EDIL3: variants seen among roughly 807,000 people sequenced by gnomAD.
EDIL3 encodes EGF-like repeat and discoidin I-like domain-containing protein 3.
EDIL3 carries 37 observed loss-of-function variants against 67.4 expected under a neutral mutation model. The ratio of observed to expected loss-of-function variants is 0.55; its 90% CI spans 0.42 to 0.72. The LOEUF is 0.72. Among genes scored for constraint, EDIL3 ranks in the 30% least tolerant of loss-of-function variants. The probability of loss-of-function intolerance (pLI) is 0.00; values close to 1 mark genes in which losing one functional copy is unlikely to be tolerated. For missense variants in EDIL3, 527 were observed against 586.3 expected (o/e 0.90, Z 1.04); for synonymous variants, 195 against 196.3 (o/e 0.99, Z 0.05).
At chr5:83,968,986 T>C (rs971870662) in intron 9 of EDIL3, among the ~76,000 whole-genome samples, 2 of 151,838 alleles carry the variant, frequency 1.3e-5, no homozygotes, top group Non-Finnish European at 2.9e-5. Flanking sequence ...TAATCAATGC[T>C]TTCCTTCCCA....
chr5:84,046,373 T>A (rs1746225069), intron 9 of EDIL3, among the ~76,000 whole-genome samples: 1 of 152,096 alleles, frequency 6.6e-6, no homozygotes. Context: ...ATCCAACAGA[T>A]ATCCCCTGAA....
Position 83,940,565 on chromosome 5 carries a change from A to T in EDIL3, c.*2854T>A, listed in dbSNP as rs1415722342. On this transcript the variant is annotated 3_prime_UTR_variant, in exon 11 of 11. Transcript: ENST00000296591. ...TCAGACAATTTGTGTATTCTTATAAATGTGTTTAATTACAACTGCTTCAAA... is the reference window on the plus strand; with the variant it reads ...TCAGACAATTTGTGTATTCTTATAATTGTGTTTAATTACAACTGCTTCAAA... The T allele has an allele frequency of 1.3e-5, 2 of 152,000 alleles. No individual in the cohort carries two copies. Among genetic ancestry groups the T allele is most frequent in the Non-Finnish European group, 2.9e-5 (2 of 67,906 alleles). 9.4% of individuals were successfully genotyped at this position (152,000 alleles called of 1,614,324 possible).
intron 9 of EDIL3, among the ~76,000 whole-genome samples, chr5:84,004,145 C>T (rs1372231032): frequency 6.6e-6 from 1 of 152,058 alleles, no homozygotes; most frequent in African/African-American, 2.4e-5. Flanking sequence ...AATATACAGG[C>T]ACATAACACT....
At chr5:84,215,601 G>A (rs1470063901) in intron 3 of EDIL3, among the ~76,000 whole-genome samples, 1 of 152,176 alleles carries the variant, frequency 6.6e-6, no homozygotes, top group African/African-American at 2.4e-5. Flanking sequence ...AAATACGCAG[G>A]CAAAAGACTG....
chr5:84,151,373 T>G (rs1327109643), intron 4 of EDIL3, among the ~76,000 whole-genome samples: 2 of 151,682 alleles, frequency 1.3e-5, no homozygotes, highest in African/African-American at 4.8e-5. Context: ...AAAAGAAAGG[T>G]TTTTGTACAA....
chr5:84,191,832 A>G (rs1335237699), intron 3 of EDIL3, among the ~76,000 whole-genome samples: 3 of 152,060 alleles, frequency 2.0e-5, no homozygotes, highest in Non-Finnish European at 4.4e-5. Flanking sequence ...GAGGGTGAAT[A>G]TGGTACAAAG....
At chr5:84,182,932 C>T (rs1194179447) in intron 3 of EDIL3, among the ~76,000 whole-genome samples, 2 of 151,952 alleles carry the variant, frequency 1.3e-5, no homozygotes, top group African/African-American at 4.8e-5. Context: ...TGGTACATTG[C>T]CAATATTTGA....
In EDIL3 at chr5:84,147,550, A is replaced by G. The variant is rs371284688; in HGVS notation, c.356-10196T>C. ...AATACCACTTTTGAAGATACAAACT[A>G]TATGAAACTTGCAGGTAACCACTAT... On this transcript the variant is annotated intron_variant, in intron 4 of 10. Coordinates refer to ENST00000296591, the MANE Select transcript of EDIL3 (RefSeq NM_005711.5). Among the ~76,000 whole-genome samples the G allele has an allele frequency of 3.9e-5, 6 of 152,148 alleles. No homozygotes were observed. The East Asian group carries it at 9.6e-4, about 24-fold the overall frequency.
intron 6 of EDIL3, among the ~76,000 whole-genome samples, chr5:84,093,426 A>G (rs1385479119): frequency 6.6e-5 from 10 of 152,116 alleles, no homozygotes; most frequent in African/African-American, 2.2e-4. Context: ...AGTCACTTCT[A>G]CCTTTGAAGA....
intron 2 of EDIL3, among the ~76,000 whole-genome samples, chr5:84,248,621 A>G (rs186389364): frequency 6.3e-4 from 96 of 152,268 alleles, no homozygotes; most frequent in African/African-American, 2.1e-3. Flanking sequence ...ATGTCTATCA[A>G]ATTTGTCAAA....
At chr5:84,106,865 T>G in intron 5 of EDIL3, 35 bp from the exon 6 acceptor site, 1 of 1,569,024 alleles carries the variant, frequency 6.4e-7, no homozygotes, top group Non-Finnish European at 8.6e-7. Context: ...ATGAATGTAT[T>G]AGAAACAATG....
At chr5:84,249,299 A>C (rs1276527930) in intron 2 of EDIL3, among the ~76,000 whole-genome samples, 1 of 152,180 alleles carries the variant, frequency 6.6e-6, no homozygotes, top group African/African-American at 2.4e-5. Flanking sequence ...ATTCCTTTAC[A>C]CTTAGCTTAA....
intron 4 of EDIL3, among the ~76,000 whole-genome samples, chr5:84,167,711 T>G (rs919960023): frequency 6.6e-6 from 1 of 152,242 alleles, no homozygotes; most frequent in Non-Finnish European, 1.5e-5. Context: ...AATAGGCAAG[T>G]GGCCCAGTTA....
chr5:84,277,353 G>A (rs1005906748), intron 1 of EDIL3, among the ~76,000 whole-genome samples: 5 of 151,872 alleles, frequency 3.3e-5, no homozygotes, highest in African/African-American at 7.3e-5. Flanking sequence ...CAAAATCTGC[G>A]GACACCTTGA....
chr5:84,371,345 G>A (rs1022403601), intron 1 of EDIL3, among the ~76,000 whole-genome samples: 93 of 97,116 alleles, frequency 9.6e-4, no homozygotes, highest in South Asian at 1.5e-3. Context: ...ATATATATGT[G>A]TGTGTGTATA....
chr5:84,237,759 C>T (rs1056718413), intron 2 of EDIL3, among the ~76,000 whole-genome samples: 2 of 151,896 alleles, frequency 1.3e-5, no homozygotes, highest in Non-Finnish European at 2.9e-5. Context: ...TTTTTGATGC[C>T]ATCAGCCTAT....
At chr5:84,249,126 C>T (rs1017501447) in intron 2 of EDIL3, among the ~76,000 whole-genome samples, 3 of 152,074 alleles carry the variant, frequency 2.0e-5, no homozygotes, top group African/African-American at 7.2e-5. Flanking sequence ...TAACTTCTTT[C>T]AGTTTATGAC....
chr5:84,021,033 T>C (rs1745705560), intron 9 of EDIL3, among the ~76,000 whole-genome samples: 1 of 152,034 alleles, frequency 6.6e-6, no homozygotes, highest in Non-Finnish European at 1.5e-5. Context: ...AAAGAAAATG[T>C]CCAATCGAAA....
intron 1 of EDIL3, among the ~76,000 whole-genome samples, chr5:84,315,645 A>C (rs891030390): frequency 1.3e-5 from 2 of 152,108 alleles, no homozygotes; most frequent in African/African-American, 4.8e-5. Flanking sequence ...GTTCATTACT[A>C]GGGAAGTTTC....
Sources: gnomAD v4.1 joint callset for allele counts (sites outside exome capture counted in the v4.1 genomes callset) on GRCh38, gnomAD v4.1.1 for gene constraint, MANE v1.5 for transcripts, NCBI Gene and HGNC (gene_info 2026-07-23, HGNC 2026-07-21) for gene names.